The following TBL1XR1 variants were observed in gnomAD, a reference collection of about 807,000 sequenced individuals.
TBL1XR1 encodes the protein F-box-like/WD repeat-containing protein TBL1XR1.
In TBL1XR1, 5 loss-of-function variants were observed where a neutral mutation model predicts 66.9. The observed-to-expected ratio is 0.07, with a 90% CI of 0.04 to 0.16. The LOEUF (loss-of-function observed/expected upper bound fraction) is 0.16, where lower values mean the gene tolerates loss of function less well. TBL1XR1 is among the 10% of genes least tolerant of loss of function. The probability of loss-of-function intolerance (pLI) is 1.00; values close to 1 mark genes in which losing one functional copy is unlikely to be tolerated. For missense variants in TBL1XR1, 238 were observed against 623.2 expected, an observed-to-expected ratio of 0.38 and a Z score of 6.58; for synonymous variants, 210 against 206.0, an observed-to-expected ratio of 1.02 and a Z score of -0.17.
intron 13 of TBL1XR1, 56 bp downstream of exon 13, chr3:177,034,142 T>TTGGAAGTCTGATTTG: frequency 6.5e-7 from 1 of 1,532,134 alleles, no homozygotes; most frequent in Non-Finnish European, 8.7e-7. Flanking sequence ...GTCATATCTA[T>TTGGAAGTCTGATTTG]TGGAAGTCTG....
chr3:177,088,316 ACT>A (rs1051376798), intron 2 of TBL1XR1, among the ~76,000 whole-genome samples: 61 of 152,146 alleles, frequency 4.0e-4, no homozygotes, highest in African/African-American at 1.4e-3. Flanking sequence ...CACAGTCAAA[ACT>A]CTGGTTCATG....
chr3:177,179,153 C>T (rs1734508922), intron 1 of TBL1XR1, among the ~76,000 whole-genome samples: 1 of 145,902 alleles, frequency 6.9e-6, no homozygotes, highest in African/African-American at 2.6e-5. Flanking sequence ...ATACTTGGGG[C>T]TGTGAAGAGA....
intron 1 of TBL1XR1, chr3:177,099,541 C>T (rs1026365284): frequency 6.6e-6 from 1 of 152,216 alleles, no homozygotes; most frequent in Non-Finnish European, 1.5e-5. Context: ...AGCTCCTACA[C>T]CAATTAGGTG....
At chr3:177,039,622 G>A (rs779608721) in intron 10 of TBL1XR1, among the ~76,000 whole-genome samples, 1 of 152,096 alleles carries the variant, frequency 6.6e-6, no homozygotes, top group African/African-American at 2.4e-5. Flanking sequence ...CTGCTGCAAG[G>A]TGCAAAAGAT....
In TBL1XR1 at chr3:177,019,632, T is replaced by G. The variant is rs1215008214; in HGVS notation, c.*5866A>C. On this transcript the variant is annotated 3_prime_UTR_variant, in exon 16 of 16. Transcript: ENST00000457928. ...GAATATATTGGTAAAACAGTAAACT[T>G]TGATCTGATCTGCTACGGATTATAC... 6.6e-6 allele frequency: 1 copy of G among 152,308 alleles called. No homozygotes were observed. Among genetic ancestry groups the G allele is most frequent in the Non-Finnish European group, 1.5e-5 (1 of 68,022 alleles). The allele number at this position is 152,308 out of a possible 1,614,324, so 9.4% of individuals were successfully genotyped here.
At chr3:177,075,150 C>T (rs1720534983) in intron 2 of TBL1XR1, among the ~76,000 whole-genome samples, 1 of 152,240 alleles carries the variant, frequency 6.6e-6, no homozygotes, top group Non-Finnish European at 1.5e-5. Context: ...TGCCACGATC[C>T]CTCCAACGGA....
intron 2 of TBL1XR1, among the ~76,000 whole-genome samples, chr3:177,086,425 G>A (rs1722126885): frequency 2.0e-5 from 3 of 151,834 alleles, no homozygotes; most frequent in Admixed American, 2.0e-4. Flanking sequence ...CGGTGGGGGA[G>A]GGGAGCCAAT....
chr3:177,106,065 C>A (rs752388929), intron 1 of TBL1XR1, among the ~76,000 whole-genome samples: 3 of 151,396 alleles, frequency 2.0e-5, no homozygotes, highest in Non-Finnish European at 4.4e-5. Context: ...AATCTGTCTC[C>A]CAAAAATGAA....
At chr3:177,102,016 A>T (rs1724285185) in intron 1 of TBL1XR1, among the ~76,000 whole-genome samples, 1 of 152,194 alleles carries the variant, frequency 6.6e-6, no homozygotes, top group African/African-American at 2.4e-5. Context: ...CTAATAAGAT[A>T]TGGTACACAT....
rs563765922 is a variant in TBL1XR1, at chr3:177,062,527, A to G, written c.58+2393T>C. Among the ~76,000 whole-genome samples, 7 of 152,356 alleles carry G rather than the reference A, an allele frequency of 4.6e-5. No individual in the cohort carries two copies. In the South Asian group the frequency reaches 6.2e-4, roughly 14 times the overall value. ...AAGTTGCAGTCCTGGGAAAACTGCC[A>G]TAAGTCAAAATGTCATCAGTTGAGT... On this transcript the variant is annotated intron_variant, in intron 3 of 15. Coordinates refer to ENST00000457928, the MANE Select transcript of TBL1XR1 (RefSeq NM_024665.7).
chr3:177,100,018 G>A (rs1723994553), intron 1 of TBL1XR1, among the ~76,000 whole-genome samples: 3 of 152,182 alleles, frequency 2.0e-5, no homozygotes, highest in South Asian at 2.1e-4. Flanking sequence ...GAGGCGGGCC[G>A]CTTGAGCTCA....
chr3:177,155,631 C>CT (rs1248190675), intron 1 of TBL1XR1, among the ~76,000 whole-genome samples: 1 of 151,984 alleles, frequency 6.6e-6, no homozygotes, highest in Non-Finnish European at 1.5e-5. Flanking sequence ...TAGTTTTTTT[C>CT]TTTTTTCCAA....
intron 2 of TBL1XR1, among the ~76,000 whole-genome samples, chr3:177,094,845 G>A (rs181562840): frequency 1.3e-5 from 2 of 152,036 alleles, no homozygotes; most frequent in African/African-American, 4.8e-5. Flanking sequence ...GGAGAGGGAT[G>A]AAAGACTACA....
chr3:177,106,789 C>T (rs577422904), intron 1 of TBL1XR1, among the ~76,000 whole-genome samples: 3 of 152,274 alleles, frequency 2.0e-5, no homozygotes, highest in Admixed American at 6.5e-5. Flanking sequence ...CCCACTTTTC[C>T]CTTGGCTGTG....
chr3:177,110,018 T>C (rs865858119), intron 1 of TBL1XR1, among the ~76,000 whole-genome samples: 6 of 152,328 alleles, frequency 3.9e-5, no homozygotes, highest in Non-Finnish European at 8.8e-5. Flanking sequence ...ATGTTTTAGT[T>C]ACTCTAATTT....
At chr3:177,049,227 G>A (rs1178514635) in intron 7 of TBL1XR1, among the ~76,000 whole-genome samples, 1 of 152,142 alleles carries the variant, frequency 6.6e-6, no homozygotes, top group African/African-American at 2.4e-5. Context: ...ACAAAGGGTT[G>A]TTAAACAGAA....
chr3:177,081,132 T>C (rs568340960), intron 2 of TBL1XR1, among the ~76,000 whole-genome samples: 232 of 152,342 alleles, frequency 1.5e-3, no homozygotes, highest in Middle Eastern at 3.4e-3. Context: ...ACTTAGTCAT[T>C]TGAACATTTC....
At chr3:177,194,272 A>G (rs1736545540) in intron 1 of TBL1XR1, 1 of 152,250 alleles carries the variant, frequency 6.6e-6, no homozygotes, top group South Asian at 2.1e-4. Flanking sequence ...AGCATAAAGT[A>G]TAAATGTCTC....
chr3:177,095,577 T>A (rs1316380595), intron 2 of TBL1XR1, among the ~76,000 whole-genome samples: 1 of 151,798 alleles, frequency 6.6e-6, no homozygotes. Context: ...CCTCCCAGGT[T>A]CAAGGGATTC....
Sources: gnomAD v4.1 joint callset for allele counts (sites outside exome capture counted in the v4.1 genomes callset) on GRCh38, gnomAD v4.1.1 for gene constraint, MANE v1.5 for transcripts, NCBI Gene and HGNC (gene_info 2026-07-23, HGNC 2026-07-21) for gene names.